The following WDR27 variants were observed in gnomAD, a reference collection of about 807,000 sequenced individuals.
The protein encoded by WDR27 is WD repeat-containing protein 27.
Under a neutral mutation model 114.4 loss-of-function variants are expected in WDR27, and 100 were observed. The ratio of observed to expected loss-of-function variants is 0.87; its 90% CI spans 0.74 to 1.03. The LOEUF (loss-of-function observed/expected upper bound fraction) is 1.03, where lower values mean the gene tolerates loss of function less well. Among genes scored for constraint, WDR27 ranks in the 50% least tolerant of loss-of-function variants. WDR27 has a pLI of 0.00. For missense variants in WDR27, 1,129 were observed against 1,092.9 expected (o/e 1.03, Z -0.47); for synonymous variants, 449 against 423.1 (o/e 1.06, Z -0.75).
intron 1 of WDR27, among the ~76,000 whole-genome samples, chr6:169,700,036 G>T (rs965039195): frequency 4.6e-5 from 7 of 152,132 alleles, no homozygotes; most frequent in Non-Finnish European, 1.0e-4. Context: ...CAGAATCAGG[G>T]TCTAGTTGGG....
rs1035874798 is a variant in WDR27 at position 169,668,077 on chromosome 6, C to T, written c.565G>A (p.Glu189Lys). ...ACCGGGCCCAGGTGGCCCTGCAGCT[C>T]GGCCCGAACAGCCTGAGTCTGAGAG... ...TFSQTQAVRAELQGHLGPVTA... is the reference protein window; with the variant it reads ...TFSQTQAVRAKLQGHLGPVTA... The change falls in exon 5 of 26, where the codon GAG becomes AAG. Residue 189 changes from glutamate (E) to lysine (K), a missense_variant. Glu to Lys is a moderately conservative substitution (Grantham distance 56). Transcript: ENST00000448612. 7 of 1,613,898 alleles carry T rather than the reference C, an allele frequency of 4.3e-6. No homozygotes were observed. The East Asian group carries it at 1.1e-4, about 26-fold the overall frequency.
At chr6:169,474,620 G>A (rs573240926) in intron 25 of WDR27, among the ~76,000 whole-genome samples, 1 of 152,178 alleles carries the variant, frequency 6.6e-6, no homozygotes, top group South Asian at 2.1e-4. Flanking sequence ...TGGAAAATGT[G>A]CAAGAGAGTT....
intron 25 of WDR27, among the ~76,000 whole-genome samples, chr6:169,471,829 T>C (rs948097441): frequency 2.0e-5 from 3 of 152,062 alleles, no homozygotes; most frequent in African/African-American, 7.2e-5. Context: ...GCTCTGGAGG[T>C]TGGGAAGTCC....
intron 25 of WDR27, among the ~76,000 whole-genome samples, chr6:169,489,129 T>G (rs1194547435): frequency 6.6e-6 from 1 of 152,090 alleles, no homozygotes; most frequent in Non-Finnish European, 1.5e-5. Flanking sequence ...TTCCGTTCAT[T>G]CGTGCAAAGT....
At chr6:169,469,122 C>T (rs1312324649) in intron 25 of WDR27, among the ~76,000 whole-genome samples, 2 of 152,186 alleles carry the variant, frequency 1.3e-5, no homozygotes, top group Non-Finnish European at 2.9e-5. Context: ...TCAGAATATT[C>T]TGCCCTTGGC....
At chr6:169,471,201 C>A (rs1041664130) in intron 25 of WDR27, among the ~76,000 whole-genome samples, 1 of 151,674 alleles carries the variant, frequency 6.6e-6, no homozygotes, top group African/African-American at 2.4e-5. Context: ...TACTTTTGCA[C>A]CAAACTAAGA....
At chr6:169,661,766 G>C (rs1826180685) in intron 9 of WDR27, among the ~76,000 whole-genome samples, 1 of 152,178 alleles carries the variant, frequency 6.6e-6, no homozygotes, top group Non-Finnish European at 1.5e-5. Flanking sequence ...CAGAGACAAA[G>C]ACAAGCAACG....
chr6:169,517,406 G>A (rs1793813709), intron 25 of WDR27, among the ~76,000 whole-genome samples: 1 of 152,116 alleles, frequency 6.6e-6, no homozygotes, highest in Non-Finnish European at 1.5e-5. Flanking sequence ...TACCACTGGG[G>A]GAACAGAGTG....
intron 23 of WDR27, among the ~76,000 whole-genome samples, chr6:169,595,181 A>G (rs1584462591): frequency 6.6e-6 from 1 of 152,242 alleles, no homozygotes; most frequent in East Asian, 1.9e-4. Context: ...AAAAACAACA[A>G]CCACAAAGAC....
chr6:169,658,475 A>C, intron 12 of WDR27, 117 bp from the exon 13 acceptor site: 1 of 740,298 alleles, frequency 1.4e-6, no homozygotes, highest in East Asian at 2.7e-5. Flanking sequence ...AGCTGTGGAC[A>C]TAACAGTATC....
chr6:169,646,337 C>G (rs1021247838), intron 16 of WDR27, among the ~76,000 whole-genome samples: 3 of 152,240 alleles, frequency 2.0e-5, no homozygotes, highest in Admixed American at 2.0e-4. Context: ...GCACCCAGGA[C>G]AGGATGCCAA....
chr6:169,552,019 C>T lies in WDR27; in HGVS notation c.2645+20400G>A, dbSNP rs143029864. On this transcript the variant is annotated intron_variant, in intron 25 of 25. Transcript: ENST00000448612. ...ATACCCTCCCGTGGGTTCCGTCCCA[C>T]GCAGAGAAGCCGCATACAAAGAAAG... Among the ~76,000 whole-genome samples, 303 of 152,286 alleles carry T rather than the reference C, an allele frequency of 2.0e-3. 4 individuals carry two copies. The highest frequency in any genetic ancestry group is 0.01 in the Middle Eastern group (3 of 294).
At chr6:169,621,351 T>A (rs1397431911) in intron 21 of WDR27, among the ~76,000 whole-genome samples, 1 of 140,340 alleles carries the variant, frequency 7.1e-6, no homozygotes, top group Non-Finnish European at 1.5e-5. Context: ...CACATGCATG[T>A]AGACATACGC....
intron 2 of WDR27, among the ~76,000 whole-genome samples, chr6:169,678,133 C>A (rs1780539832): frequency 6.6e-6 from 1 of 152,218 alleles, no homozygotes; most frequent in Non-Finnish European, 1.5e-5. Flanking sequence ...GCACCATCAT[C>A]CAGACCCCAG....
downstream of WDR27, among the ~76,000 whole-genome samples, chr6:169,452,956 G>T (rs576802185): frequency 6.6e-6 from 1 of 152,150 alleles, no homozygotes; most frequent in African/African-American, 2.4e-5. Flanking sequence ...CTCAGCTGCC[G>T]TGCAGTCAGC....
chr6:169,470,405 G>C (rs1786207619), intron 25 of WDR27, among the ~76,000 whole-genome samples: 1 of 152,272 alleles, frequency 6.6e-6, no homozygotes, highest in Middle Eastern at 3.4e-3. Context: ...GTAAGTATTT[G>C]TTACAGCAGC....
At chr6:169,523,247 T>C (rs1329483541) in intron 25 of WDR27, among the ~76,000 whole-genome samples, 1 of 151,938 alleles carries the variant, frequency 6.6e-6, no homozygotes, top group Non-Finnish European at 1.5e-5. Flanking sequence ...CATGAAGAAA[T>C]AGAAAACTTC....
At chr6:169,470,816 A>G (rs1187437527) in intron 25 of WDR27, among the ~76,000 whole-genome samples, 1 of 152,150 alleles carries the variant, frequency 6.6e-6, no homozygotes, top group Non-Finnish European at 1.5e-5. Context: ...GGGGTAAAGG[A>G]GCATGCAATT....
chr6:169,682,288 G>A (rs781746694), intron 2 of WDR27, among the ~76,000 whole-genome samples: 1 of 152,100 alleles, frequency 6.6e-6, no homozygotes, highest in Non-Finnish European at 1.5e-5. Flanking sequence ...AACTATCCAC[G>A]GACTCCCAAT....
Sources: allele counts gnomAD v4.1 joint callset (sites outside exome capture counted in the v4.1 genomes callset), GRCh38; gene constraint gnomAD v4.1.1; transcripts MANE v1.5; gene names NCBI Gene and HGNC (gene_info 2026-07-23, HGNC 2026-07-21).